Variants in BCKDHB observed in about 807,000 individuals in gnomAD.
BCKDHB encodes branched chain keto acid dehydrogenase E1 subunit beta, also known as 2-oxoisovalerate dehydrogenase subunit beta, mitochondrial.
In BCKDHB, 41 loss-of-function variants were observed where a neutral mutation model predicts 48.5. The observed-to-expected ratio is 0.85, with a 90% confidence interval of 0.66 to 1.10. The LOEUF (loss-of-function observed/expected upper bound fraction) is 1.10. Among genes scored for constraint, BCKDHB ranks in the 50% least tolerant of loss-of-function variants. BCKDHB has a pLI of 0.00. For missense variants in BCKDHB, 496 were observed against 494.2 expected (o/e 1.00, Z -0.03); for synonymous variants, 201 against 174.8 (o/e 1.15, Z -1.18).
the BCKDHB span, among the ~76,000 whole-genome samples, chr6:80,419,009 C>A: frequency 6.6e-6 from 1 of 152,150 alleles, no homozygotes; most frequent in Non-Finnish European, 1.5e-5. Flanking sequence ...CAGGTCAGGG[C>A]AGAATCTGCT....
chr6:80,266,783 T>C (rs908078915), intron 8 of BCKDHB, among the ~76,000 whole-genome samples: 1 of 152,056 alleles, frequency 6.6e-6, no homozygotes, highest in Non-Finnish European at 1.5e-5. Context: ...ATGAAAGACA[T>C]CAGAGACTTC....
chr6:80,436,307 C>T, the BCKDHB span, among the ~76,000 whole-genome samples: 2 of 151,370 alleles, frequency 1.3e-5, no homozygotes, highest in East Asian at 2.0e-4. Context: ...TACAGGTGAC[C>T]GCCACCACAC....
chr6:80,309,944 A>T (rs996640214), intron 9 of BCKDHB, among the ~76,000 whole-genome samples: 1 of 152,202 alleles, frequency 6.6e-6, no homozygotes, highest in Non-Finnish European at 1.5e-5. Context: ...TATAAGTGAG[A>T]ACATGTATTC....
chr6:80,212,570 A>G (rs1284804703), intron 8 of BCKDHB, among the ~76,000 whole-genome samples: 4 of 152,164 alleles, frequency 2.6e-5, no homozygotes, highest in Non-Finnish European at 5.9e-5. Context: ...TTTACAATCA[A>G]TTTATACAGT....
At chr6:80,420,340 G>A in the BCKDHB span, among the ~76,000 whole-genome samples, 7 of 152,142 alleles carry the variant, frequency 4.6e-5, no homozygotes, top group African/African-American at 9.7e-5. Context: ...TGGTAGACAC[G>A]CAGACTTTTT....
chr6:80,265,335 A>G (rs1204694387), intron 8 of BCKDHB, among the ~76,000 whole-genome samples: 1 of 152,152 alleles, frequency 6.6e-6, no homozygotes, highest in African/African-American at 2.4e-5. Flanking sequence ...GTATAAACAA[A>G]ATGTGATATA....
At chr6:80,235,201 A>T (rs1448255143) in intron 8 of BCKDHB, among the ~76,000 whole-genome samples, 1 of 152,244 alleles carries the variant, frequency 6.6e-6, no homozygotes, top group African/African-American at 2.4e-5. Context: ...TTGAGATGAT[A>T]GATGTCCCAG....
At chr6:80,312,183 G>A (rs1392974010) in intron 9 of BCKDHB, among the ~76,000 whole-genome samples, 2 of 151,932 alleles carry the variant, frequency 1.3e-5, no homozygotes, top group Non-Finnish European at 2.9e-5. Flanking sequence ...TCTTTTTATG[G>A]CAATTGTGAA....
chr6:80,208,446 G>A (rs1029159652), intron 8 of BCKDHB, among the ~76,000 whole-genome samples: 1 of 151,714 alleles, frequency 6.6e-6, no homozygotes, highest in African/African-American at 2.4e-5. Context: ...CCTAGAGAAA[G>A]TAGAAGAAAT....
chr6:80,255,949 C>T (rs1453300468), intron 8 of BCKDHB, among the ~76,000 whole-genome samples: 1 of 152,174 alleles, frequency 6.6e-6, no homozygotes, highest in Non-Finnish European at 1.5e-5. Flanking sequence ...GGTGGCCTGA[C>T]TGTACCATTA....
the BCKDHB span, among the ~76,000 whole-genome samples, chr6:80,361,278 G>A: frequency 3.9e-5 from 6 of 152,066 alleles, no homozygotes; most frequent in African/African-American, 1.4e-4. Context: ...ATTCTAATTC[G>A]AAGTTCCCAG....
chr6:80,340,004 G>T (rs1207050954), intron 9 of BCKDHB, among the ~76,000 whole-genome samples: 1 of 152,124 alleles, frequency 6.6e-6, no homozygotes, highest in East Asian at 1.9e-4. Flanking sequence ...CCTCACCTGT[G>T]AAATGGAGTA....
rs72896461 is a variant in BCKDHB at position 80,283,807 on chromosome 6, C to T, written c.1038+10586C>T. Among the ~76,000 whole-genome samples, 405 of 152,038 alleles carry T rather than the reference C, an allele frequency of 2.7e-3. 2 individuals carry two copies. Among genetic ancestry groups the T allele is most frequent in the Non-Finnish European group, 4.7e-3 (320 of 67,920 alleles). Reference sequence around the variant, plus strand: ...AGTATGTATATTTTAAAATGTACAGCCTTATCTTCAAAATTTTCTAACTAC... The same window carrying T: ...AGTATGTATATTTTAAAATGTACAGTCTTATCTTCAAAATTTTCTAACTAC... On this transcript the variant is annotated intron_variant, in intron 9 of 9. Coordinates refer to ENST00000320393, the MANE Select transcript of BCKDHB (RefSeq NM_183050.4).
chr6:80,257,850 T>G (rs1777119332), intron 8 of BCKDHB, among the ~76,000 whole-genome samples: 1 of 152,002 alleles, frequency 6.6e-6, no homozygotes, highest in Non-Finnish European at 1.5e-5. Flanking sequence ...GACGGGCACA[T>G]TTACCTTTTC....
the BCKDHB span, chr6:80,373,894 A>G: frequency 2.5e-6 from 1 of 395,258 alleles, no homozygotes; most frequent in Non-Finnish European, 4.8e-6. Context: ...GTTTATGTGA[A>G]TCCTTATGTG....
At chr6:80,423,302 A>T in the BCKDHB span, among the ~76,000 whole-genome samples, 1 of 152,160 alleles carries the variant, frequency 6.6e-6, no homozygotes, top group African/African-American at 2.4e-5. Flanking sequence ...GAGTCAATTA[A>T]ACCTGTTTTG....
chr6:80,128,615 G>A (rs1770463436), intron 2 of BCKDHB, among the ~76,000 whole-genome samples: 1 of 152,024 alleles, frequency 6.6e-6, no homozygotes, highest in Admixed American at 6.6e-5. Context: ...ATGCTCTTCT[G>A]ATGGCTTACT....
At chr6:80,314,676 C>T (rs1768344709) in intron 9 of BCKDHB, among the ~76,000 whole-genome samples, 1 of 152,064 alleles carries the variant, frequency 6.6e-6, no homozygotes. Context: ...CTCTTCAAAG[C>T]CCGCAGGCTG....
intron 8 of BCKDHB, among the ~76,000 whole-genome samples, chr6:80,227,971 G>A (rs1242132496): frequency 2.0e-5 from 3 of 152,038 alleles, no homozygotes; most frequent in Non-Finnish European, 4.4e-5. Context: ...CACCATATGT[G>A]GTGATTAGGC....
Sources: allele counts gnomAD v4.1 joint callset (sites outside exome capture counted in the v4.1 genomes callset), GRCh38; gene constraint gnomAD v4.1.1; transcripts MANE v1.5; gene names NCBI Gene and HGNC (gene_info 2026-07-23, HGNC 2026-07-21).